The following NT5M variants were observed in gnomAD, a reference collection of about 807,000 sequenced individuals.
NT5M encodes 5',3'-nucleotidase, mitochondrial, also known as 5'(3')-deoxyribonucleotidase, mitochondrial.
In NT5M, 22 loss-of-function variants were observed where a neutral mutation model predicts 22.2. The ratio of observed to expected loss-of-function variants is 0.99; its 90% CI spans 0.71 to 1.41. NT5M has a LOEUF of 1.41. Among genes scored for constraint, NT5M ranks in the 40% most tolerant of loss-of-function variants. NT5M has a pLI of 0.00. For missense variants in NT5M, 322 were observed against 314.8 expected, an observed-to-expected ratio of 1.02 and a Z score of -0.17; for synonymous variants, 167 against 133.0, an observed-to-expected ratio of 1.26 and a Z score of -1.76.
At chr17:17,310,929 C>T (rs1401519420) in intron 2 of NT5M, among the ~76,000 whole-genome samples, 1 of 152,208 alleles carries the variant, frequency 6.6e-6, no homozygotes, top group Non-Finnish European at 1.5e-5. Context: ...GAGGCCAAGG[C>T]AGGTGGATCA....
chr17:17,341,218 G>A (rs2049634915), intron 3 of NT5M, among the ~76,000 whole-genome samples: 1 of 152,084 alleles, frequency 6.6e-6, no homozygotes, highest in South Asian at 2.1e-4. Flanking sequence ...CAAATTAACA[G>A]TTCTAGTTGC....
chr17:17,336,828 A>T (rs1175946976), intron 3 of NT5M, among the ~76,000 whole-genome samples: 1 of 152,006 alleles, frequency 6.6e-6, no homozygotes, highest in Admixed American at 6.6e-5. Context: ...GGTTGCTCTC[A>T]TTCTTTTTTA....
intron 3 of NT5M, among the ~76,000 whole-genome samples, chr17:17,325,853 T>C (rs2049255660): frequency 6.6e-6 from 1 of 152,206 alleles, no homozygotes; most frequent in Non-Finnish European, 1.5e-5. Flanking sequence ...CCACATTTCG[T>C]GACCATCATA....
intron 3 of NT5M, among the ~76,000 whole-genome samples, chr17:17,340,423 C>T (rs1178934087): frequency 6.6e-6 from 1 of 151,530 alleles, no homozygotes; most frequent in Non-Finnish European, 1.5e-5. Context: ...TCCAAAAAAC[C>T]AACTTTTTGT....
At chr17:17,324,511 A>AG (rs576262898) in intron 3 of NT5M, among the ~76,000 whole-genome samples, 6 of 150,650 alleles carry the variant, frequency 4.0e-5, no homozygotes, top group African/African-American at 1.5e-4. Flanking sequence ...TAAAAAAAAA[A>AG]AAAGAAATTC....
At chr17:17,315,994 A>C (rs1218881386) in intron 2 of NT5M, among the ~76,000 whole-genome samples, 4 of 150,912 alleles carry the variant, frequency 2.7e-5, no homozygotes. Flanking sequence ...TGACCTTGTG[A>C]TCAGCCCGCC....
chr17:17,344,479 T>C (rs746962354), intron 3 of NT5M, among the ~76,000 whole-genome samples: 2 of 152,192 alleles, frequency 1.3e-5, no homozygotes, highest in Non-Finnish European at 2.9e-5. Flanking sequence ...ATGGCCGCCC[T>C]CTGCTCCCTG....
Position 17,303,793 on chromosome 17 carries a change from C to T in NT5M, c.243C>T (p.Tyr81=), listed in dbSNP as rs1397747763. The change falls in exon 1 of 5, where the codon TAC becomes TAT. Residue 81 remains tyrosine, a synonymous_variant. Coordinates refer to ENST00000389022, the MANE Select transcript of NT5M (RefSeq NM_020201.4). Reference sequence around the variant, plus strand: ...GCGGCTTCTGGGTGTCGGAGCAGTACGGCCGCCTGCGGCCAGGGCTGAGCG... The same window carrying T: ...GCGGCTTCTGGGTGTCGGAGCAGTATGGCCGCCTGCGGCCAGGGCTGAGCG... ...DRRGFWVSEQ[Y]GRLRPGLSEK... 1.3e-6 allele frequency: 2 copies of T among 1,541,992 alleles called. No homozygotes were observed. The highest frequency in any genetic ancestry group is 2.5e-5 in the East Asian group (1 of 39,534).
chr17:17,310,173 A>G (rs2048894650), intron 2 of NT5M, among the ~76,000 whole-genome samples: 2 of 152,178 alleles, frequency 1.3e-5, no homozygotes. Context: ...ATGAAAGTCT[A>G]CAGAATGAGG....
chr17:17,312,479 T>C lies in NT5M; in HGVS notation c.368+5836T>C, dbSNP rs1045658080. On this transcript the variant is annotated intron_variant, in intron 2 of 4. Transcript: ENST00000389022. ...CAACATGGAGAAACCCCGTCTCTACTAAAAATACAAACAAATTAGCCAGGC... is the reference window on the plus strand; with the variant it reads ...CAACATGGAGAAACCCCGTCTCTACCAAAAATACAAACAAATTAGCCAGGC... Among the ~76,000 whole-genome samples, 4 of 151,838 alleles carry C rather than the reference T, an allele frequency of 2.6e-5. No homozygotes were observed. The East Asian group carries it at 5.8e-4, about 22-fold the overall frequency.
intron 3 of NT5M, among the ~76,000 whole-genome samples, chr17:17,328,511 A>G (rs2049308638): frequency 1.3e-5 from 2 of 151,998 alleles, no homozygotes; most frequent in Admixed American, 6.6e-5. Context: ...GCTGGTATTA[A>G]TGGTTCCTGT....
At chr17:17,328,541 C>A (rs1024781417) in intron 3 of NT5M, among the ~76,000 whole-genome samples, 6 of 152,100 alleles carry the variant, frequency 3.9e-5, no homozygotes, top group Non-Finnish European at 7.4e-5. Flanking sequence ...CTGGGGGAGG[C>A]AAGGAAGGGC....
chr17:17,317,962 C>CAAA lies in NT5M; in HGVS notation c.369-5204_369-5202dup, dbSNP rs35320589. Among the ~76,000 whole-genome samples the CAAA allele has an allele frequency of 5.9e-3, 433 of 73,724 alleles. 5 individuals carry two copies. Among genetic ancestry groups the CAAA allele is most frequent in the Middle Eastern group, 0.011 (1 of 94 alleles). The allele number at this position is 73,724 out of a possible 152,430, so 48.4% of individuals were successfully genotyped here. On this transcript the variant is annotated intron_variant, in intron 2 of 4. Transcript: ENST00000389022. ...AGGTGACAGAGTGAGACTCCATGAT[C>CAAA]AAAAAAAAAAAAAAAAAAAAAGTTA...
chr17:17,319,874 C>T (rs539330583), intron 2 of NT5M, among the ~76,000 whole-genome samples: 2 of 152,210 alleles, frequency 1.3e-5, no homozygotes, highest in Non-Finnish European at 2.9e-5. Flanking sequence ...GACGGAGTCT[C>T]GCTCTGTCGT....
chr17:17,344,118 C>T (rs1047390756), intron 3 of NT5M, among the ~76,000 whole-genome samples: 4 of 152,200 alleles, frequency 2.6e-5, no homozygotes, highest in African/African-American at 4.8e-5. Flanking sequence ...CCCTGCCCCC[C>T]GGGGAGCACC....
At chr17:17,344,136 C>A (rs1434784572) in intron 3 of NT5M, among the ~76,000 whole-genome samples, 4 of 152,162 alleles carry the variant, frequency 2.6e-5, no homozygotes, top group Admixed American at 2.6e-4. Context: ...ACCAGCACCC[C>A]AGTTTGCTAT....
chr17:17,322,299 C>T (rs2049167495), intron 2 of NT5M, among the ~76,000 whole-genome samples: 1 of 152,114 alleles, frequency 6.6e-6, no homozygotes, highest in Non-Finnish European at 1.5e-5. Context: ...CACCTGCCAT[C>T]TCTGAAGTCT....
chr17:17,342,913 C>G (rs1490722860), intron 3 of NT5M, among the ~76,000 whole-genome samples: 1 of 152,190 alleles, frequency 6.6e-6, no homozygotes, highest in East Asian at 1.9e-4. Context: ...GGAACTGTAC[C>G]TCATGCAATA....
intron 3 of NT5M, among the ~76,000 whole-genome samples, chr17:17,341,548 C>T (rs769405209): frequency 2.0e-5 from 3 of 152,188 alleles, no homozygotes; most frequent in African/African-American, 7.2e-5. Flanking sequence ...AAGGCACTCA[C>T]GAGGTAGATG....
Sources: gnomAD v4.1 joint callset for allele counts (sites outside exome capture counted in the v4.1 genomes callset) on GRCh38, gnomAD v4.1.1 for gene constraint, MANE v1.5 for transcripts, NCBI Gene and HGNC (gene_info 2026-07-23, HGNC 2026-07-21) for gene names.